Variants in HECTD4 observed in about 807,000 individuals in gnomAD.
HECTD4 encodes HECT domain E3 ubiquitin protein ligase 4, also known as probable E3 ubiquitin-protein ligase HECTD4.
HECTD4 carries 114 observed loss-of-function variants against 471.5 expected under a neutral mutation model. The ratio of observed to expected loss-of-function variants is 0.24; its 90% CI spans 0.21 to 0.28. The LOEUF is 0.28. Among genes scored for constraint, HECTD4 ranks in the 10% least tolerant of loss-of-function variants. The probability of loss-of-function intolerance (pLI) is 1.00; values close to 1 mark genes in which losing one functional copy is unlikely to be tolerated. For synonymous variants in HECTD4, 2,012 were observed against 2,256.0 expected (o/e 0.89, Z 3.07); for missense variants, 3,866 against 5,651.5 (o/e 0.68, Z 10.13).
At chr12:112,222,921 G>GATTCCA (rs1392436335) in intron 44 of HECTD4, among the ~76,000 whole-genome samples, 5 of 152,190 alleles carry the variant, frequency 3.3e-5, no homozygotes, top group Non-Finnish European at 5.9e-5. Flanking sequence ...TCCAGAGTAA[G>GATTCCA]GAATGACTTT....
At chr12:112,335,558 C>T (rs983707930) in intron 1 of HECTD4, among the ~76,000 whole-genome samples, 33 of 151,888 alleles carry the variant, frequency 2.2e-4, no homozygotes, top group Middle Eastern at 3.2e-3. Flanking sequence ...CACAGTGGTG[C>T]GCGCCTGTAG....
At chr12:112,192,434 G>A in intron 59 of HECTD4, 126 bp downstream of exon 59, 1 of 653,254 alleles carries the variant, frequency 1.5e-6, no homozygotes, top group Non-Finnish European at 2.4e-6. Flanking sequence ...GAAGTCCCCA[G>A]AAGTCCTATT....
chr12:112,226,192 T>TACACACAC lies in HECTD4; in HGVS notation c.6970+443_6970+450dup, dbSNP rs58470224. ...CAATTTTGGTATTTGGACTTTTCCA[T>TACACACAC]ACACACACACACACACTCACACACA... On this transcript the variant is annotated intron_variant, in intron 44 of 75. Transcript: ENST00000682272. Among the ~76,000 whole-genome samples, 1,240 of 150,430 alleles carry TACACACAC rather than the reference T, an allele frequency of 8.2e-3. 149 individuals carry two copies. In the East Asian group the frequency reaches 0.24, roughly 29 times the overall value.
chr12:112,303,919 C>A (rs909198394), intron 7 of HECTD4, among the ~76,000 whole-genome samples: 13 of 147,834 alleles, frequency 8.8e-5, no homozygotes, highest in African/African-American at 3.2e-4. Flanking sequence ...AGAATTGAGA[C>A]AAACTCTCAT....
chr12:112,252,610 AC>A, intron 22 of HECTD4, 82 bp from the exon 23 acceptor site: 1 of 1,486,870 alleles, frequency 6.7e-7, no homozygotes, highest in South Asian at 1.3e-5. Flanking sequence ...TCAGAGGTTT[AC>A]TTTCAAAAAG....
Position 112,319,586 on chromosome 12 carries a change from G to C in HECTD4, c.334C>G (p.Gln112Glu), listed in dbSNP as rs765704086. Residue 112 changes from glutamine to glutamate, a missense_variant, in exon 2 of 76, where the codon CAG becomes GAG. Around this residue, in one of 16 missense-constraint regions of HECTD4, gnomAD observed 440 missense variants for 636.0 expected, o/e 0.69. Coordinates refer to ENST00000682272, the MANE Select transcript of HECTD4 (RefSeq NM_001388303.1). This position sits in a 1 kb window ranked among gnomAD's most constrained non-coding sequence, Gnocchi z 5.3. ...TCACCTGAACTTTCCCTTTCATGCT[G>C]TTCTTCTAAGGCCAGCTGGCGCTGG... Reference protein sequence around the residue: ...NAQRQLALEEQHERESSGDEE... With the variant: ...NAQRQLALEEEHERESSGDEE... 9.1e-5 allele frequency: 130 copies of C among 1,428,372 alleles called. No individual in the cohort carries two copies. Among genetic ancestry groups the C allele is most frequent in the Non-Finnish European group, 2.5e-5 (27 of 1,096,184 alleles). 88.5% of individuals were successfully genotyped at this position (1,428,372 alleles called of 1,614,324 possible). A position where few individuals can be genotyped will look rare whatever the true frequency, so the allele number is the denominator to read the frequency against.
intron 1 of HECTD4, among the ~76,000 whole-genome samples, chr12:112,374,332 T>C (rs1036513842): frequency 6.6e-6 from 1 of 152,006 alleles, no homozygotes; most frequent in African/African-American, 2.4e-5. Flanking sequence ...TCTAGAAAAA[T>C]ATGTTTAAAA....
chr12:112,375,561 C>T (rs764076433), intron 1 of HECTD4, among the ~76,000 whole-genome samples: 3 of 152,104 alleles, frequency 2.0e-5, no homozygotes, highest in African/African-American at 7.2e-5. Context: ...TGTTCCCAAC[C>T]GCAGTTTGTA....
chr12:112,246,938 G>A lies in HECTD4; in HGVS notation c.4476C>T (p.Leu1492=). 1 of 1,612,218 alleles carries A rather than the reference G, an allele frequency of 6.2e-7. No homozygotes were observed. The highest frequency in any genetic ancestry group is 8.5e-7 in the Non-Finnish European group (1 of 1,179,816). The part of the protein sequence containing the change: ...LHVTIAAQSG[L]TRSISGTPAE... ...CAGGGGTCCCAGAGATGCTTCTCGT[G>A]AGGCCCGACTGGGCTGCGATGGTGA... Residue 1492 remains leucine, a synonymous_variant, in exon 29 of 76, where the codon CTC becomes CTT. Transcript: ENST00000682272.
chr12:112,183,328 A>G (rs1419981758), intron 61 of HECTD4, 62 bp from the exon 62 acceptor site: 1 of 1,267,132 alleles, frequency 7.9e-7, no homozygotes. Context: ...AGTGTGAGTG[A>G]ACTTCTCCCT....
intron 21 of HECTD4, among the ~76,000 whole-genome samples, chr12:112,255,131 A>G (rs1593980707): frequency 6.6e-6 from 1 of 152,244 alleles, no homozygotes; most frequent in African/African-American, 2.4e-5. Flanking sequence ...TACTGCAGGC[A>G]TAAGTTAGCG....
In HECTD4 at chr12:112,376,300, G is replaced by A. The variant is rs562256834; in HGVS notation, c.177+5652C>T. On this transcript the variant is annotated intron_variant, in intron 1 of 75. Transcript: ENST00000682272. ...CTCACTCTGTGGCCCAGGCTGGAGC[G>A]CAGTGGCCTGATCTCGGCTCACTGC... Among the ~76,000 whole-genome samples the A allele has an allele frequency of 4.6e-5, 7 of 152,030 alleles. No homozygotes were observed. In the South Asian group the frequency reaches 1.0e-3, roughly 23 times the overall value.
intron 35 of HECTD4, among the ~76,000 whole-genome samples, chr12:112,236,535 G>T (rs1204739673): frequency 6.6e-6 from 1 of 152,168 alleles, no homozygotes; most frequent in Non-Finnish European, 1.5e-5. Flanking sequence ...CACACAGGGA[G>T]TATATAACCA....
intron 54 of HECTD4, chr12:112,201,449 T>C (rs2032427618): frequency 6.5e-6 from 1 of 153,614 alleles, no homozygotes; most frequent in Non-Finnish European, 1.4e-5. Flanking sequence ...AATGACATAC[T>C]AGAAAGGCCA....
At chr12:112,269,958 A>G (rs1176590589) in intron 12 of HECTD4, 109 bp from the exon 13 acceptor site, 1 of 987,044 alleles carries the variant, frequency 1.0e-6, no homozygotes, top group Non-Finnish European at 1.5e-6. Flanking sequence ...AACCAGGTGG[A>G]TTTTGTTTAA....
At position 112,248,485 on chromosome 12, in the gene HECTD4, C is replaced by T. The variant is rs1428716958; in HGVS notation, c.3978G>A (p.Glu1326=). 6.2e-7 allele frequency: 1 copy of T among 1,608,330 alleles called. No homozygotes were observed. The highest frequency in any genetic ancestry group is 1.7e-5 in the Admixed American group (1 of 58,746). Residue 1326 remains glutamate, a synonymous_variant, in exon 26 of 76, where the codon GAG becomes GAA. Transcript: ENST00000682272. ...TAATAACACAAGATACCACCATTTC[C>T]TCCATCACGTCTGGCTGAATCACTT... ...IKEVIQPDVM[E]EMVVSCVIKH... is the part of the protein sequence containing the mutation.
At chr12:112,324,042 CTTCCT>C (rs2035676242) in intron 1 of HECTD4, among the ~76,000 whole-genome samples, 1 of 47,068 alleles carries the variant, frequency 2.1e-5, no homozygotes, top group Non-Finnish European at 3.2e-5. Context: ...TCCTTCCTTC[CTTCCT>C]TTCTTTCTTT....
At chr12:112,224,940 A>G (rs2135559396) in intron 44 of HECTD4, among the ~76,000 whole-genome samples, 1 of 152,330 alleles carries the variant, frequency 6.6e-6, no homozygotes, top group South Asian at 2.1e-4. Context: ...TTCGAATGCA[A>G]TCTAAGCCAA....
intron 45 of HECTD4, among the ~76,000 whole-genome samples, chr12:112,218,370 C>A (rs904436698): frequency 6.6e-6 from 1 of 152,098 alleles, no homozygotes. Context: ...AAATTCCATA[C>A]CCTTTAGTAG....
Sources: allele counts gnomAD v4.1 joint callset (sites outside exome capture counted in the v4.1 genomes callset), GRCh38; gene constraint gnomAD v4.1.1; regional missense constraint gnomAD v4.1.1; non-coding constraint Gnocchi (gnomAD v3.1); transcripts MANE v1.5; gene names NCBI Gene and HGNC (gene_info 2026-07-23, HGNC 2026-07-21).